Variants in GRIP1 observed in about 807,000 individuals in gnomAD.
GRIP1 encodes the protein glutamate receptor interacting protein 1.
Under a neutral mutation model 129.9 loss-of-function variants are expected in GRIP1, and 45 were observed. The observed-to-expected ratio is 0.35, with a 90% CI of 0.27 to 0.44. The LOEUF is 0.44. GRIP1 is among the 20% of genes least tolerant of loss of function. The pLI, the probability that GRIP1 is intolerant of heterozygous loss-of-function variation, is 1.00. For missense variants in GRIP1, 1,196 were observed against 1,396.8 expected (o/e 0.86, Z 2.29); for synonymous variants, 530 against 520.8 (o/e 1.02, Z -0.24).
At chr12:66,432,422 A>G in intron 14 of GRIP1, 126 bp downstream of exon 14, 1 of 637,454 alleles carries the variant, frequency 1.6e-6, no homozygotes, top group Non-Finnish European at 2.8e-6. Context: ...CTGACTCCAC[A>G]TTTTTGTATC....
chr12:66,594,732 A>AT (rs939680924), intron 2 of GRIP1, among the ~76,000 whole-genome samples: 14 of 152,038 alleles, frequency 9.2e-5, no homozygotes, highest in African/African-American at 3.1e-4. Flanking sequence ...TCCTCTGTGC[A>AT]TTTTTCTCTC....
chr12:67,017,343 G>GATAAATTATATA (rs2135732988), intron 1 of GRIP1, among the ~76,000 whole-genome samples: 1 of 151,948 alleles, frequency 6.6e-6, no homozygotes, highest in Admixed American at 6.6e-5. Context: ...CCTTTTAAAT[G>GATAAATTATATA]ATAAATTATA....
At chr12:66,355,857 G>A (rs1410905081) in intron 23 of GRIP1, among the ~76,000 whole-genome samples, 1 of 152,206 alleles carries the variant, frequency 6.6e-6, no homozygotes, top group Non-Finnish European at 1.5e-5. Context: ...TGCACCTTAT[G>A]AGGCTGAGGA....
chr12:66,352,402 T>C (rs1565656349), intron 24 of GRIP1, among the ~76,000 whole-genome samples: 1 of 152,166 alleles, frequency 6.6e-6, no homozygotes, highest in Non-Finnish European at 1.5e-5. Flanking sequence ...GGTGGCAGCA[T>C]ACACCATTCC....
intron 19 of GRIP1, among the ~76,000 whole-genome samples, chr12:66,381,903 C>T (rs1592732094): frequency 1.3e-5 from 2 of 152,222 alleles, no homozygotes; most frequent in Non-Finnish European, 2.9e-5. Flanking sequence ...GATCCCAGCT[C>T]TTCTCTAGTC....
At chr12:66,371,598 A>T (rs1230154987) in intron 23 of GRIP1, 96 bp downstream of exon 23, 4 of 820,262 alleles carry the variant, frequency 4.9e-6, no homozygotes, top group African/African-American at 1.7e-5. Flanking sequence ...CTGAGCCCAT[A>T]GGAGGATACC....
At chr12:66,572,003 A>G (rs2062975633) in intron 2 of GRIP1, among the ~76,000 whole-genome samples, 1 of 152,180 alleles carries the variant, frequency 6.6e-6, no homozygotes. Context: ...GTAAGGATAC[A>G]TATGTTTTAA....
At chr12:66,812,530 C>T (rs570701680) in intron 1 of GRIP1, among the ~76,000 whole-genome samples, 5 of 152,204 alleles carry the variant, frequency 3.3e-5, no homozygotes, top group South Asian at 4.2e-4. Context: ...ATTACATGTT[C>T]GATATTTATT....
In GRIP1 at chr12:66,944,590, G is replaced by A. The variant is rs559511196; in HGVS notation, c.58+124460C>T. Among the ~76,000 whole-genome samples, 24 of 152,104 alleles carry A rather than the reference G, an allele frequency of 1.6e-4. No homozygotes were observed. In the South Asian group the frequency reaches 3.7e-3, roughly 24 times the overall value. Reference sequence around the variant, plus strand: ...GCACTTAAGGAACTCTGAGATGTGTGAGAAAGTCCTGCAGCCTGAGGAGCT... The same window carrying A: ...GCACTTAAGGAACTCTGAGATGTGTAAGAAAGTCCTGCAGCCTGAGGAGCT... On this transcript the variant is annotated intron_variant, in intron 1 of 1. Coordinates refer to the GRIP1 transcript ENST00000643019.
At chr12:67,063,429 A>T (rs2135896119) in intron 1 of GRIP1, among the ~76,000 whole-genome samples, 1 of 152,318 alleles carries the variant, frequency 6.6e-6, no homozygotes, top group East Asian at 1.9e-4. Context: ...ACATACCTAA[A>T]TGAGTAGGCT....
intron 1 of GRIP1, among the ~76,000 whole-genome samples, chr12:66,968,713 A>C (rs1466791863): frequency 6.6e-6 from 1 of 152,126 alleles, no homozygotes. Flanking sequence ...TAATTATCTA[A>C]TACACCGTTA....
intron 1 of GRIP1, among the ~76,000 whole-genome samples, chr12:67,047,000 G>A (rs1207753638): frequency 1.3e-5 from 2 of 152,138 alleles, no homozygotes; most frequent in Admixed American, 6.5e-5. Context: ...TAATCAAACT[G>A]ACATTGTGTT....
At chr12:66,841,896 C>T (rs992858986) in intron 1 of GRIP1, among the ~76,000 whole-genome samples, 3 of 152,152 alleles carry the variant, frequency 2.0e-5, no homozygotes, top group Non-Finnish European at 2.9e-5. Context: ...TACTTAAAGA[C>T]ACACATAATA....
chr12:66,662,480 C>A (rs143021915), intron 1 of GRIP1, among the ~76,000 whole-genome samples: 1 of 152,110 alleles, frequency 6.6e-6, no homozygotes, highest in Non-Finnish European at 1.5e-5. Context: ...TTTCTGCTAG[C>A]AGCTGATGAG....
chr12:66,749,451 C>T (rs192038825), intron 1 of GRIP1, among the ~76,000 whole-genome samples: 1 of 152,186 alleles, frequency 6.6e-6, no homozygotes, highest in African/African-American at 2.4e-5. Flanking sequence ...TGGCTATGAG[C>T]AAACTGATGA....
At chr12:66,742,780 G>A (rs533753622) in intron 1 of GRIP1, among the ~76,000 whole-genome samples, 3 of 152,224 alleles carry the variant, frequency 2.0e-5, no homozygotes, top group Admixed American at 6.6e-5. Flanking sequence ...AATGAGACAT[G>A]ATGAGGTAAT....
At chr12:66,974,393 T>C (rs2042122365) in intron 1 of GRIP1, among the ~76,000 whole-genome samples, 1 of 152,202 alleles carries the variant, frequency 6.6e-6, no homozygotes, top group Non-Finnish European at 1.5e-5. Flanking sequence ...TTTGTTAACT[T>C]ATTTATTGAG....
At chr12:66,672,887 C>G (rs1248539115) in intron 1 of GRIP1, among the ~76,000 whole-genome samples, 1 of 152,044 alleles carries the variant, frequency 6.6e-6, no homozygotes, top group Non-Finnish European at 1.5e-5. Flanking sequence ...GATTAAGAAA[C>G]TGAAATTTAG....
At chr12:66,655,696 G>A (rs527814283) in intron 1 of GRIP1, among the ~76,000 whole-genome samples, 7 of 144,056 alleles carry the variant, frequency 4.9e-5, no homozygotes, top group African/African-American at 1.6e-4. Context: ...TGCAAGCTCC[G>A]CCTCCCGGGT....
Sources: gnomAD v4.1 joint callset for allele counts (sites outside exome capture counted in the v4.1 genomes callset) on GRCh38, gnomAD v4.1.1 for gene constraint, MANE v1.5 for transcripts, NCBI Gene and HGNC (gene_info 2026-07-23, HGNC 2026-07-21) for gene names.